Variants in ITIH4 observed in about 807,000 individuals in gnomAD.
ITIH4 encodes inter-alpha-trypsin inhibitor heavy chain H4.
A neutral mutation model predicts 111.8 loss-of-function variants in ITIH4; 79 were observed. That is an observed-to-expected ratio of 0.71 (90% CI 0.59 to 0.85). The LOEUF (loss-of-function observed/expected upper bound fraction) is 0.85, where lower values mean the gene tolerates loss of function less well. Ranked by LOEUF, ITIH4 falls within the 40% of genes least tolerant of loss-of-function variation. The probability of loss-of-function intolerance (pLI) is 0.00; values close to 1 mark genes in which losing one functional copy is unlikely to be tolerated. For missense variants in ITIH4, 1,065 were observed against 1,195.8 expected (o/e 0.89, Z 1.61); for synonymous variants, 472 against 468.3 (o/e 1.01, Z -0.10).
chr3:52,827,558 C>T (rs1315069729), intron 2 of ITIH4, among the ~76,000 whole-genome samples: 2 of 152,236 alleles, frequency 1.3e-5, no homozygotes, highest in African/African-American at 2.4e-5. Flanking sequence ...TTCCATTTCA[C>T]GGACTGTTCC....
chr3:52,813,903 G>C, intron 23 of ITIH4, 72 bp downstream of exon 23: 1 of 1,213,456 alleles, frequency 8.2e-7, no homozygotes, highest in Non-Finnish European at 1.2e-6. Flanking sequence ...GGGCCCTGGA[G>C]AGCCTGGCTC....
chr3:52,817,305 G>T (rs923221857), intron 20 of ITIH4, among the ~76,000 whole-genome samples: 2 of 152,220 alleles, frequency 1.3e-5, no homozygotes, highest in African/African-American at 4.8e-5. Context: ...ACCCTCAGTT[G>T]AGGCCTTTGA....
chr3:52,817,112 C>A, intron 20 of ITIH4, 54 bp from the exon 21 acceptor site: 2 of 1,510,726 alleles, frequency 1.3e-6, no homozygotes, highest in South Asian at 1.2e-5. Context: ...GGTCTGACAC[C>A]GACCTGCATG....
At chr3:52,821,605 T>G (rs1700382621) in intron 11 of ITIH4, among the ~76,000 whole-genome samples, 1 of 152,124 alleles carries the variant, frequency 6.6e-6, no homozygotes, top group Non-Finnish European at 1.5e-5. Context: ...GCTCCGGGTT[T>G]GGGGCCCCAT....
At chr3:52,822,281 T>G (rs908257460) in intron 11 of ITIH4, 1 of 151,758 alleles carries the variant, frequency 6.6e-6, no homozygotes, top group African/African-American at 2.4e-5. Flanking sequence ...AGGTGGAGCT[T>G]GCAATGAGCC....
At chr3:52,818,587 G>T in intron 17 of ITIH4, 51 bp from the exon 18 acceptor site, 1 of 1,507,098 alleles carries the variant, frequency 6.6e-7, no homozygotes, top group Non-Finnish European at 9.1e-7. Context: ...GCAGTCAGGA[G>T]GCGGGCAACC....
chr3:52,813,991 C>T lies in ITIH4; in HGVS notation c.2707G>A (p.Asp903Asn). The T allele has an allele frequency of 6.2e-7, 1 of 1,612,922 alleles. No individual in the cohort carries two copies. Among genetic ancestry groups the T allele is most frequent in the Non-Finnish European group, 8.5e-7 (1 of 1,179,754 alleles). The change falls in exon 23 of 24, where the codon GAC (aspartate) becomes AAC (asparagine). Residue 903 changes from aspartate (D) to asparagine (N), a missense_variant. Physicochemically the swap from Asp to Asn is conservative, Grantham distance 23. Transcript: ENST00000266041. Reference sequence around the variant, plus strand: ...CCAAGTCACCTGGTGGCAGAGTGGTCATTGCCCTGAACCCTCAGCGTGCGT... The same window carrying T: ...CCAAGTCACCTGGTGGCAGAGTGGTTATTGCCCTGAACCCTCAGCGTGCGT... ...GRRTLRVQGNDHSATRERRLD... is the reference protein window; with the variant it reads ...GRRTLRVQGNNHSATRERRLD...
In ITIH4 at chr3:52,814,966, T is replaced by C. The variant is rs58763303; in HGVS notation, c.2472-603A>G. On this transcript the variant is annotated intron_variant, in intron 21 of 23. Coordinates refer to ENST00000266041, the MANE Select transcript of ITIH4 (RefSeq NM_002218.5). Reference sequence around the variant, plus strand: ...CTCTGATGCATCCACTCTGTCCCTTTTGTTCTACAGCTGGTGCACTCTCTT... The same window carrying C: ...CTCTGATGCATCCACTCTGTCCCTTCTGTTCTACAGCTGGTGCACTCTCTT... 6.6e-3 allele frequency among the ~76,000 whole-genome samples: 1,008 copies of C among 152,358 alleles called. 18 individuals carry two copies. Among genetic ancestry groups the C allele is most frequent in the African/African-American group, 0.023 (955 of 41,584 alleles).
Position 52,813,048 on chromosome 3 carries a change from T to C in ITIH4, c.*373A>G, listed in dbSNP as rs1700219473. 5.6e-6 allele frequency: 1 copy of C among 177,522 alleles called. No individual in the cohort carries two copies. The highest frequency in any genetic ancestry group is 6.2e-5 in the Admixed American group (1 of 16,104). The allele number at this position is 177,522 out of a possible 1,614,324, so 11.0% of individuals were successfully genotyped here. On this transcript the variant is annotated 3_prime_UTR_variant, in exon 24 of 24. Coordinates refer to ENST00000266041, the MANE Select transcript of ITIH4 (RefSeq NM_002218.5). ...AGACTGAACCTCTGCTCCTGGAGAA[T>C]GCTCCCAGCCCTGGGCCTCTAGCTG...
At chr3:52,814,997 G>A (rs1010485106) in intron 21 of ITIH4, among the ~76,000 whole-genome samples, 9 of 152,232 alleles carry the variant, frequency 5.9e-5, no homozygotes, top group African/African-American at 1.9e-4. Context: ...CTCTTTGGAT[G>A]ACTTGTGTTT....
At chr3:52,813,954 G>T in intron 23 of ITIH4, 21 bp downstream of exon 23, 3 of 1,597,980 alleles carry the variant, frequency 1.9e-6, no homozygotes, top group South Asian at 1.1e-5. Flanking sequence ...TGGGCTCAGC[G>T]GTCTGCTTGT....
intron 11 of ITIH4, among the ~76,000 whole-genome samples, chr3:52,821,854 G>A (rs1340648173): frequency 6.6e-6 from 1 of 152,172 alleles, no homozygotes; most frequent in Admixed American, 6.5e-5. Flanking sequence ...TCACAGTGCG[G>A]ATCAGATCTG....
chr3:52,818,604 G>T (rs915269839), intron 17 of ITIH4, 68 bp from the exon 18 acceptor site: 2 of 1,340,324 alleles, frequency 1.5e-6, no homozygotes, highest in Non-Finnish European at 2.1e-6. Context: ...AACCAGCAGC[G>T]CTGCCACCAA....
At chr3:52,828,728 T>C (rs1258890470) in intron 2 of ITIH4, among the ~76,000 whole-genome samples, 1 of 152,208 alleles carries the variant, frequency 6.6e-6, no homozygotes, top group Non-Finnish European at 1.5e-5. Context: ...CAAGCCACTC[T>C]CCACTGTGAG....
At chr3:52,826,220 C>T (rs967919447) in intron 5 of ITIH4, among the ~76,000 whole-genome samples, 2 of 152,214 alleles carry the variant, frequency 1.3e-5, no homozygotes, top group Non-Finnish European at 2.9e-5. Flanking sequence ...CCTGGAGCTG[C>T]GCAAGCAGAG....
At chr3:52,816,859 C>T (rs765012436) in intron 21 of ITIH4, 25 bp downstream of exon 21, 1 of 1,606,562 alleles carries the variant, frequency 6.2e-7, no homozygotes, top group Non-Finnish European at 8.5e-7. Flanking sequence ...TCAACCCCTG[C>T]CCCGGGCTCC....
At chr3:52,818,211 C>A in intron 19 of ITIH4, 43 bp from the exon 20 acceptor site, 1 of 1,594,232 alleles carries the variant, frequency 6.3e-7, no homozygotes, top group Non-Finnish European at 8.6e-7. Flanking sequence ...GAAGGGCAGG[C>A]TGGGGGCAAG....
chr3:52,815,356 A>C (rs1205667492), intron 21 of ITIH4, among the ~76,000 whole-genome samples: 2 of 147,796 alleles, frequency 1.4e-5, no homozygotes, highest in Non-Finnish European at 3.0e-5. Flanking sequence ...CGGTTCTCCT[A>C]CCTCAGCCTC....
At position 52,821,102 on chromosome 3, in the gene ITIH4, T is replaced by A; in HGVS notation, c.1568A>T (p.Glu523Val). 1.2e-6 allele frequency: 2 copies of A among 1,613,754 alleles called. No homozygotes were observed. Among genetic ancestry groups the A allele is most frequent in the Non-Finnish European group, 1.7e-6 (2 of 1,180,030 alleles). The part of the protein sequence containing the change: ...LPTQNITFQT[E>V]SSVAEQEAEF... ...CGCCTCCTGCTCTGCCACACTGGAC[T>A]CCGTTTGGAAAGTGATGTTCTGTGT... Residue 523 changes from glutamate (E) to valine (V), a missense_variant, in exon 12 of 24, where the codon GAG (glutamate) becomes GTG (valine). By Grantham distance (121) the Glu-to-Val change is moderately radical. Coordinates refer to ENST00000266041, the MANE Select transcript of ITIH4 (RefSeq NM_002218.5).
Sources: gnomAD v4.1 joint callset for allele counts (sites outside exome capture counted in the v4.1 genomes callset) on GRCh38, gnomAD v4.1.1 for gene constraint, MANE v1.5 for transcripts, NCBI Gene and HGNC (gene_info 2026-07-23, HGNC 2026-07-21) for gene names.